BRCA1: variants seen among roughly 807,000 people sequenced by gnomAD.
BRCA1 encodes the protein breast cancer type 1 susceptibility protein.
In BRCA1, 140 loss-of-function variants were observed where a neutral mutation model predicts 173.7. That is an observed-to-expected ratio of 0.81 (90% confidence interval 0.70 to 0.93). The LOEUF (loss-of-function observed/expected upper bound fraction) is 0.93, where lower values mean the gene tolerates loss of function less well. BRCA1 is among the 40% of genes least tolerant of loss of function. The pLI, the probability that BRCA1 is intolerant of heterozygous loss-of-function variation, is 0.00. For missense variants in BRCA1, 1,983 were observed against 2,172.5 expected (o/e 0.91, Z 1.73); for synonymous variants, 662 against 756.0 (o/e 0.88, Z 2.04).
At position 43,091,580 on chromosome 17, in the gene BRCA1, C is replaced by T. The variant is rs1060504566; in HGVS notation, c.3951G>A (p.Leu1317=). 1 of 1,614,068 alleles carries T rather than the reference C, an allele frequency of 6.2e-7. No homozygotes were observed. The highest frequency in any genetic ancestry group is 1.3e-5 in the African/African-American group (1 of 74,920). Residue 1317 remains leucine (L), a synonymous_variant, in exon 10 of 23, where the codon TTG becomes TTA. Transcript: ENST00000357654. ...TANTNTQDPF[L]IGSSKQMRHQ... Reference sequence around the variant, plus strand: ...GCCTCATTTGTTTGGAAGAACCAATCAAGAAAGGATCCTGGGTGTTTGTAT... The same window carrying T: ...GCCTCATTTGTTTGGAAGAACCAATTAAGAAAGGATCCTGGGTGTTTGTAT...
intron 3 of BRCA1, among the ~76,000 whole-genome samples, chr17:43,109,062 C>G (rs546073815): frequency 1.3e-5 from 2 of 151,982 alleles, no homozygotes; most frequent in Non-Finnish European, 2.9e-5. Context: ...ACCTACCTAT[C>G]TATCTGTCTA....
At chr17:43,115,926 T>G (rs1350146399) in intron 2 of BRCA1, 147 bp from the exon 3 acceptor site, 3 of 752,164 alleles carry the variant, frequency 4.0e-6, no homozygotes, top group Non-Finnish European at 6.4e-6. Flanking sequence ...ATTTATTAAA[T>G]GTCTGCTGTG....
chr17:43,105,983 C>T (rs951843695), intron 4 of BRCA1, among the ~76,000 whole-genome samples: 6 of 151,552 alleles, frequency 4.0e-5, no homozygotes, highest in Non-Finnish European at 5.9e-5. Context: ...AAAAATTGGC[C>T]GGGCATGGTA....
upstream of BRCA1, among the ~76,000 whole-genome samples, chr17:43,128,325 A>G (rs1381145771): frequency 6.6e-6 from 1 of 152,238 alleles, no homozygotes; most frequent in Non-Finnish European, 1.5e-5. Flanking sequence ...CTCACCGCAA[A>G]GGTCTGCAGC....
At chr17:43,091,061 G>A in intron 10 of BRCA1, 29 bp from the exon 11 acceptor site, 1 of 1,592,710 alleles carries the variant, frequency 6.3e-7, no homozygotes, top group Non-Finnish European at 8.6e-7. Context: ...AGGTTCAGAT[G>A]TAAAAGCAGA....
chr17:43,090,700 T>C (rs1272533473), intron 11 of BRCA1, among the ~76,000 whole-genome samples: 1 of 152,208 alleles, frequency 6.6e-6, no homozygotes, highest in Non-Finnish European at 1.5e-5. Context: ...GTATTTAGTA[T>C]GCTACAATGA....
chr17:43,056,729 T>C (rs1407264831), intron 19 of BRCA1, among the ~76,000 whole-genome samples: 1 of 151,502 alleles, frequency 6.6e-6, no homozygotes, highest in Non-Finnish European at 1.5e-5. Context: ...GACACCCCAG[T>C]GAAGTGAAAA....
At chr17:43,061,015 AC>A (rs2051725615) in intron 18 of BRCA1, among the ~76,000 whole-genome samples, 1 of 152,048 alleles carries the variant, frequency 6.6e-6, no homozygotes, top group African/African-American at 2.4e-5. Context: ...AATACCAGCT[AC>A]TCAGGAGGCC....
At chr17:43,072,567 A>AT (rs75947060) in intron 14 of BRCA1, among the ~76,000 whole-genome samples, 2,363 of 138,650 alleles carry the variant, frequency 0.017, 47 homozygotes, top group African/African-American at 0.042. Context: ...CTTCCAGCTG[A>AT]TTTTTTTTTT....
intron 15 of BRCA1, among the ~76,000 whole-genome samples, chr17:43,069,964 G>A (rs987485358): frequency 2.0e-5 from 3 of 152,000 alleles, no homozygotes; most frequent in Non-Finnish European, 2.9e-5. Flanking sequence ...ACAGAGTTTC[G>A]CTCTTGTTGC....
intron 19 of BRCA1, 124 bp from the exon 20 acceptor site, chr17:43,051,241 T>G (rs1313350515): frequency 1.1e-6 from 1 of 876,468 alleles, no homozygotes; most frequent in Non-Finnish European, 1.8e-6. Context: ...CTTTTTCTTC[T>G]GTTCACCACC....
intron 6 of BRCA1, among the ~76,000 whole-genome samples, chr17:43,101,302 TCCTCCCACCTCAG>T (rs1469238438): frequency 6.6e-6 from 1 of 151,870 alleles, no homozygotes; most frequent in Non-Finnish European, 1.5e-5. Flanking sequence ...GTTCAAGTGA[TCCTCCCACCTCAG>T]CCTCCCAAGG....
chr17:43,067,930 T>A (rs1194941314), intron 15 of BRCA1, among the ~76,000 whole-genome samples: 3 of 137,976 alleles, frequency 2.2e-5, no homozygotes, highest in Non-Finnish European at 4.6e-5. Flanking sequence ...CCAGTTATCC[T>A]AGCTTTAAGT....
chr17:43,130,362 G>A (rs569319213), upstream of BRCA1, among the ~76,000 whole-genome samples: 7 of 152,084 alleles, frequency 4.6e-5, no homozygotes, highest in East Asian at 1.9e-4. Flanking sequence ...TCACCCAGGC[G>A]GGAGTGCAGT....
chr17:43,104,686 G>A (rs1429864827), intron 5 of BRCA1, among the ~76,000 whole-genome samples, 182 bp downstream of exon 5: 1 of 152,164 alleles, frequency 6.6e-6, no homozygotes, highest in Non-Finnish European at 1.5e-5. Context: ...TGCACCTTAC[G>A]ATTGATAAAA....
At chr17:43,125,247 G>C (rs2055824503) in intron 1 of BRCA1, 24 bp downstream of exon 1, 1 of 455,966 alleles carries the variant, frequency 2.2e-6, no homozygotes, top group Non-Finnish European at 4.4e-6. Flanking sequence ...TGGGCCCCCT[G>C]TCCCTTTCCC....
At chr17:43,061,870 C>T (rs1477701455) in intron 18 of BRCA1, among the ~76,000 whole-genome samples, 1 of 152,132 alleles carries the variant, frequency 6.6e-6, no homozygotes, top group Non-Finnish European at 1.5e-5. Flanking sequence ...TAGGCATGAG[C>T]CACCACGCCT....
chr17:43,156,302 T>C lies in BRCA1; in HGVS notation c.-20+13824A>G, dbSNP rs116928825. 6.1e-3 allele frequency among the ~76,000 whole-genome samples: 924 copies of C among 152,220 alleles called. 9 individuals are homozygous for C. Among genetic ancestry groups the C allele is most frequent in the Non-Finnish European group, 9.5e-3 (643 of 68,016 alleles). ...GACAGTAACCTTATTGTGAAGGATT[T>C]AGTAATACTACTCTTGTAATCATGG... is the stretch of plus-strand genomic sequence containing the variant. On this transcript the variant is annotated intron_variant, in intron 1 of 7. Coordinates refer to the BRCA1 transcript ENST00000634433.
intron 6 of BRCA1, among the ~76,000 whole-genome samples, chr17:43,101,224 T>C (rs569210863): frequency 2.4e-4 from 36 of 151,938 alleles, no homozygotes; most frequent in Middle Eastern, 3.4e-3. Context: ...TTAGACAGAG[T>C]CTTGTTCTGT....
Sources: allele counts gnomAD v4.1 joint callset (sites outside exome capture counted in the v4.1 genomes callset), GRCh38; gene constraint gnomAD v4.1.1; transcripts MANE v1.5; gene names NCBI Gene and HGNC (gene_info 2026-07-23, HGNC 2026-07-21).